PCDH15: variants seen among roughly 807,000 people sequenced by gnomAD.
PCDH15 encodes protocadherin-15.
PCDH15 carries 129 observed loss-of-function variants against 178.5 expected under a neutral mutation model. The ratio of observed to expected loss-of-function variants is 0.72; its 90% CI spans 0.63 to 0.84. The LOEUF is 0.84. Ranked by LOEUF, PCDH15 falls within the 40% of genes least tolerant of loss-of-function variation. The probability of loss-of-function intolerance (pLI) is 0.00; values close to 1 mark genes in which losing one functional copy is unlikely to be tolerated. For synonymous variants in PCDH15, 800 were observed against 732.0 expected, an observed-to-expected ratio of 1.09 and a Z score of -1.50; for missense variants, 2,230 against 2,099.9, an observed-to-expected ratio of 1.06 and a Z score of -1.21.
Position 55,050,041 on chromosome 10 carries a change from T to C in PCDH15, c.-80+116535A>G, listed in dbSNP as rs75460597. On this transcript the variant is annotated intron_variant, in intron 2 of 5. Transcript: ENST00000458638. ...TTACAAATATGTTTACCTGGAAGTATGGGAAACAAAATATTTAGATAGATT... is the reference window on the plus strand; with the variant it reads ...TTACAAATATGTTTACCTGGAAGTACGGGAAACAAAATATTTAGATAGATT... Among the ~76,000 whole-genome samples the C allele has an allele frequency of 6.2e-3, 946 of 152,158 alleles. 11 individuals carry two copies. Among genetic ancestry groups the C allele is most frequent in the African/African-American group, 0.022 (905 of 41,558 alleles).
intron 15 of PCDH15, among the ~76,000 whole-genome samples, chr10:54,096,200 G>C (rs1046622023): frequency 6.6e-6 from 1 of 151,734 alleles, no homozygotes; most frequent in Non-Finnish European, 1.5e-5. Context: ...CTTATCTCGA[G>C]TTTCCCTTCA....
At chr10:54,136,034 C>G (rs1246417601) in intron 14 of PCDH15, among the ~76,000 whole-genome samples, 1 of 152,156 alleles carries the variant, frequency 6.6e-6, no homozygotes, top group Non-Finnish European at 1.5e-5. Flanking sequence ...AACGATCTTG[C>G]ATTTTCCTTA....
chr10:54,971,411 C>G (rs1838927179), intron 2 of PCDH15, among the ~76,000 whole-genome samples: 1 of 152,086 alleles, frequency 6.6e-6, no homozygotes, highest in African/African-American at 2.4e-5. Flanking sequence ...CTTGAAAGTA[C>G]AGCCTGGGCC....
intron 1 of PCDH15, among the ~76,000 whole-genome samples, chr10:54,752,831 C>A (rs932944541): frequency 6.6e-6 from 1 of 151,992 alleles, no homozygotes; most frequent in African/African-American, 2.4e-5. Flanking sequence ...ATACATGGAG[C>A]CACAGGAAGA....
chr10:54,590,040 G>A (rs755776090), intron 2 of PCDH15, among the ~76,000 whole-genome samples: 11 of 152,002 alleles, frequency 7.2e-5, no homozygotes, highest in Non-Finnish European at 1.0e-4. Context: ...CTCCCAACTG[G>A]CCTTTTGTAT....
chr10:54,229,760 T>C (rs1318711249), intron 9 of PCDH15, among the ~76,000 whole-genome samples: 1 of 151,742 alleles, frequency 6.6e-6, no homozygotes, highest in Non-Finnish European at 1.5e-5. Context: ...ACCTCTTTCT[T>C]TTGTAAATTA....
intron 2 of PCDH15, among the ~76,000 whole-genome samples, chr10:54,533,868 A>T (rs2084197745): frequency 6.6e-6 from 1 of 152,202 alleles, no homozygotes; most frequent in Non-Finnish European, 1.5e-5. Flanking sequence ...GATGTTAAAG[A>T]AATGGGTTTC....
chr10:54,512,765 C>T (rs1031872938), intron 3 of PCDH15, among the ~76,000 whole-genome samples: 1 of 151,996 alleles, frequency 6.6e-6, no homozygotes, highest in Admixed American at 6.6e-5. Flanking sequence ...ATTTGACTTT[C>T]CATTATTTTC....
intron 13 of PCDH15, among the ~76,000 whole-genome samples, chr10:54,155,851 C>T (rs545320257): frequency 6.6e-6 from 1 of 150,768 alleles, no homozygotes; most frequent in East Asian, 2.0e-4. Flanking sequence ...ATGTCCCCTT[C>T]TGAAGTCTAT....
rs1839978454 is a variant in PCDH15, at chr10:55,192,776, GAC to G, written c.-155-26127_-155-26126del. Among the ~76,000 whole-genome samples the G allele has an allele frequency of 2.0e-5, 3 of 150,276 alleles. 1 individual carries two copies. Among genetic ancestry groups the G allele is most frequent in the African/African-American group, 7.4e-5 (3 of 40,754 alleles). On this transcript the variant is annotated intron_variant, in intron 1 of 5. Transcript: ENST00000458638. ...ATATACATATAGATACATGCACAAA[GAC>G]ACATAGACATATGTACATGCATACA...
chr10:54,224,841 C>T (rs79220387), intron 9 of PCDH15, among the ~76,000 whole-genome samples: 9 of 152,164 alleles, frequency 5.9e-5, no homozygotes, highest in Non-Finnish European at 1.2e-4. Context: ...AAGTAAACTA[C>T]CTTTGTCCTG....
At chr10:54,823,221 A>ACACACACACGCACACG (rs1554802973) in intron 3 of PCDH15, among the ~76,000 whole-genome samples, 1 of 151,308 alleles carries the variant, frequency 6.6e-6, no homozygotes, top group African/African-American at 2.4e-5. Flanking sequence ...ACACACACAC[A>ACACACACACGCACACG]CACACGCACA....
chr10:55,222,465 C>T (rs1053634809), intron 1 of PCDH15, among the ~76,000 whole-genome samples: 1 of 151,718 alleles, frequency 6.6e-6, no homozygotes, highest in African/African-American at 2.4e-5. Flanking sequence ...AATATTGATT[C>T]TTTTCATCCA....
intron 2 of PCDH15, among the ~76,000 whole-genome samples, chr10:55,034,846 T>A (rs886909869): frequency 6.6e-6 from 1 of 152,202 alleles, no homozygotes; most frequent in African/African-American, 2.4e-5. Context: ...ATGCATTTTA[T>A]ACATGTTAGT....
At chr10:55,252,877 A>T (rs575362813) in intron 1 of PCDH15, among the ~76,000 whole-genome samples, 5 of 152,306 alleles carry the variant, frequency 3.3e-5, no homozygotes, top group African/African-American at 9.6e-5. Flanking sequence ...AATATATTTT[A>T]AAAACTGTCT....
intron 28 of PCDH15, among the ~76,000 whole-genome samples, chr10:53,842,018 A>G (rs542751104): frequency 2.1e-3 from 321 of 151,676 alleles, no homozygotes; most frequent in African/African-American, 7.3e-3. Flanking sequence ...AGACTAGTCT[A>G]ACATCATTTG....
chr10:54,912,665 G>A (rs1420436660), intron 2 of PCDH15, among the ~76,000 whole-genome samples: 2 of 152,148 alleles, frequency 1.3e-5, no homozygotes, highest in African/African-American at 4.8e-5. Context: ...CAGAGAAGTA[G>A]TACATCACTA....
chr10:54,083,463 C>T (rs190323795), intron 16 of PCDH15, among the ~76,000 whole-genome samples: 2 of 152,270 alleles, frequency 1.3e-5, no homozygotes, highest in East Asian at 3.9e-4. Context: ...TAGGGACCTA[C>T]TTGCACATGT....
At chr10:54,517,858 T>A (rs1475400110) in intron 3 of PCDH15, among the ~76,000 whole-genome samples, 1 of 152,192 alleles carries the variant, frequency 6.6e-6, no homozygotes, top group Admixed American at 6.5e-5. Context: ...TATAACAAAT[T>A]GTCTCTCAGA....
Sources: allele counts gnomAD v4.1 joint callset (sites outside exome capture counted in the v4.1 genomes callset), GRCh38; gene constraint gnomAD v4.1.1; transcripts MANE v1.5; gene names NCBI Gene and HGNC (gene_info 2026-07-23, HGNC 2026-07-21).